Variants in TMC5 observed in about 807,000 individuals in gnomAD.
TMC5 encodes the protein transmembrane channel-like protein 5.
Under a neutral mutation model 110.5 loss-of-function variants are expected in TMC5, and 86 were observed. That is an observed-to-expected ratio of 0.78 (90% CI 0.65 to 0.93). The LOEUF (loss-of-function observed/expected upper bound fraction) is 0.93. Ranked by LOEUF, TMC5 falls within the 40% of genes least tolerant of loss-of-function variation. The probability of loss-of-function intolerance (pLI) is 0.00; values close to 1 mark genes in which losing one functional copy is unlikely to be tolerated. For missense variants in TMC5, 1,144 were observed against 1,222.8 expected (o/e 0.94, Z 0.96); for synonymous variants, 455 against 439.5 (o/e 1.04, Z -0.44).
At chr16:19,497,310 T>A in intron 21 of TMC5, 147 bp downstream of exon 21, 1 of 859,150 alleles carries the variant, frequency 1.2e-6, no homozygotes, top group Non-Finnish European at 1.8e-6. Flanking sequence ...CAAGAATAAT[T>A]CTTGCTTTAG....
chr16:19,438,390 C>CAAAAAAAA (rs60807937), intron 2 of TMC5, among the ~76,000 whole-genome samples: 3 of 60,004 alleles, frequency 5.0e-5, no homozygotes, highest in Non-Finnish European at 8.5e-5. Context: ...GACACCCTGT[C>CAAAAAAAA]AAAAAAAAAA....
rs1157399382 is a variant in TMC5, at chr16:19,490,450, T to G, written c.2629T>G (p.Ser877Ala). 1 of 1,614,042 alleles carries G rather than the reference T, an allele frequency of 6.2e-7. No homozygotes were observed. ...TCGAGGTCTGCCTCTCTTCATTCAC[T>G]CCATCTACAGCTGGATCGACACCCT... ...PFRGLPLFIH[S>A]IYSWIDTLST... Residue 877 changes from serine to alanine, a missense_variant, in exon 18 of 22, where the codon TCC becomes GCC. By Grantham distance (99) the Ser-to-Ala change is moderately conservative (BLOSUM62 1). Transcript: ENST00000542583.
At chr16:19,433,829 C>CT (rs961978773) in intron 2 of TMC5, among the ~76,000 whole-genome samples, 87 of 148,276 alleles carry the variant, frequency 5.9e-4, no homozygotes, top group South Asian at 3.4e-3. Context: ...TTCTTTCTTT[C>CT]TTTTTTTTTG....
Position 19,493,204 on chromosome 16 carries a change from G to A in TMC5, c.2826+976G>A, listed in dbSNP as rs189086800. On this transcript the variant is annotated intron_variant, in intron 19 of 21. Coordinates refer to ENST00000542583, the MANE Select transcript of TMC5 (RefSeq NM_001261841.2). Reference sequence around the variant, plus strand: ...TCAAACTTCCGACCTCAGGTGATCCGCCCGCCTCGGCCTCCCAAAGTGCTA... The same window carrying A: ...TCAAACTTCCGACCTCAGGTGATCCACCCGCCTCGGCCTCCCAAAGTGCTA... 3.1e-3 allele frequency among the ~76,000 whole-genome samples: 461 copies of A among 150,796 alleles called. 2 individuals carry two copies. The highest frequency in any genetic ancestry group is 0.01 in the African/African-American group (431 of 41,194).
At chr16:19,412,131 T>C (rs1206218497) in intron 1 of TMC5, among the ~76,000 whole-genome samples, 1 of 146,270 alleles carries the variant, frequency 6.8e-6, no homozygotes, top group Non-Finnish European at 1.5e-5. Flanking sequence ...GAGTGCAGTG[T>C]TGTGATTGTA....
At chr16:19,474,330 G>A in intron 12 of TMC5, 54 bp downstream of exon 12, 10 of 1,575,562 alleles carry the variant, frequency 6.3e-6, no homozygotes, top group Non-Finnish European at 7.8e-6. Flanking sequence ...AGAGAAGTGG[G>A]ATGGCAGCTA....
intron 4 of TMC5, among the ~76,000 whole-genome samples, chr16:19,448,294 ACACACACACG>A (rs970073810): frequency 3.8e-4 from 36 of 94,360 alleles, no homozygotes; most frequent in African/African-American, 1.4e-3. Context: ...ACCATTATTT[ACACACACACG>A]CACACACACA....
At chr16:19,411,365 C>A (rs2285045) in intron 1 of TMC5, 79,654 of 152,046 alleles carry the variant, frequency 0.52, 22,520 homozygotes, top group South Asian at 0.72. Flanking sequence ...ATTCTGTGAG[C>A]CTTGTTTGCT....
rs142456610 is a variant in TMC5, at chr16:19,472,009, C to T, written c.1783-79C>T. 1,197 of 1,466,992 alleles carry T rather than the reference C, an allele frequency of 8.2e-4. 5 individuals are homozygous for T. In the African/African-American group the frequency reaches 0.015, roughly 18 times the overall value. The allele number at this position is 1,466,992 out of a possible 1,614,324, so 90.9% of individuals were successfully genotyped here. On this transcript the variant is annotated intron_variant, in intron 10 of 21. Coordinates refer to ENST00000542583, the MANE Select transcript of TMC5 (RefSeq NM_001261841.2). ...CTCCTGACCTCAAGTGATCCACCCG[C>T]CTTGGCCTCCCAAAGTGCTGGGATT...
At position 19,444,006 on chromosome 16, in the gene TMC5, TGG is replaced by T. The variant is rs1597174888; in HGVS notation, c.789-74_789-73del. Reference sequence around the variant, plus strand: ...ATGAATACATGATTGAATGGATGGATGGATGGATGGATGGATGGATGACAATC... The same window carrying T: ...ATGAATACATGATTGAATGGATGGATATGGATGGATGGATGGATGACAATC... On this transcript the variant is annotated intron_variant, in intron 3 of 21. Transcript: ENST00000542583. 7.0e-6 allele frequency: 9 copies of T among 1,282,558 alleles called. No individual in the cohort carries two copies. In the East Asian group the frequency reaches 1.9e-4, roughly 28 times the overall value. 79.4% of individuals were successfully genotyped at this position (1,282,558 alleles called of 1,614,324 possible).
chr16:19,421,250 ATTAT>A (rs2143353747), intron 1 of TMC5, among the ~76,000 whole-genome samples: 1 of 152,098 alleles, frequency 6.6e-6, no homozygotes, highest in South Asian at 2.1e-4. Flanking sequence ...ATGTTAAAAT[ATTAT>A]TTATTTTGAT....
intron 1 of TMC5, among the ~76,000 whole-genome samples, chr16:19,430,195 G>T (rs1967168106): frequency 6.6e-6 from 1 of 152,212 alleles, no homozygotes; most frequent in Non-Finnish European, 1.5e-5. Context: ...GAAAACAAAT[G>T]CAAGTCTGGA....
rs1251813434 is a variant in TMC5 at position 19,448,855 on chromosome 16, A to AT, written c.959-680dup. Among the ~76,000 whole-genome samples the AT allele has an allele frequency of 6.7e-4, 94 of 140,790 alleles. 1 individual carries two copies. Among genetic ancestry groups the AT allele is most frequent in the Admixed American group, 6.7e-3 (93 of 13,982 alleles). 92.4% of individuals were successfully genotyped at this position (140,790 alleles called of 152,430 possible). A position where few individuals can be genotyped will look rare whatever the true frequency, so the allele number is the denominator to read the frequency against. ...TTTTTATATCATGTAGTTTATATGT[A>AT]TTTTTTTCTTTTTTTTTTTTTTTTG... On this transcript the variant is annotated intron_variant, in intron 4 of 21. Coordinates refer to ENST00000542583, the MANE Select transcript of TMC5 (RefSeq NM_001261841.2).
chr16:19,493,466 T>TTTCTCTCTCTCTCTC (rs55737824), intron 19 of TMC5, among the ~76,000 whole-genome samples: 18 of 124,502 alleles, frequency 1.4e-4, no homozygotes, highest in East Asian at 5.7e-4. Context: ...TCTCTCTCTC[T>TTTCTCTCTCTCTCTC]TTTTTTTTTT....
chr16:19,497,715 ACAAG>A (rs1280029389), intron 21 of TMC5, among the ~76,000 whole-genome samples: 1 of 152,170 alleles, frequency 6.6e-6, no homozygotes, highest in East Asian at 1.9e-4. Context: ...CAGGAAACAA[ACAAG>A]CAAACCCATT....
chr16:19,460,082 T>TG (rs1967983007), intron 5 of TMC5, among the ~76,000 whole-genome samples, 153 bp from the exon 6 acceptor site: 2 of 148,810 alleles, frequency 1.3e-5, no homozygotes, highest in Non-Finnish European at 1.5e-5. Flanking sequence ...CACATATATG[T>TG]GTTTTTTTTG....
chr16:19,493,747 C>T (rs985999739), intron 19 of TMC5, among the ~76,000 whole-genome samples: 3 of 152,222 alleles, frequency 2.0e-5, no homozygotes, highest in African/African-American at 7.2e-5. Flanking sequence ...AGGCGTGAGC[C>T]ACTGCGCCCA....
intron 9 of TMC5, among the ~76,000 whole-genome samples, chr16:19,469,475 A>C (rs926333656): frequency 1.3e-5 from 2 of 152,240 alleles, no homozygotes; most frequent in Non-Finnish European, 2.9e-5. Flanking sequence ...TGGCAGATCC[A>C]GGGTTGCAAG....
rs1003662994 is a variant in TMC5 at position 19,498,103 on chromosome 16, C to A, written c.*137C>A. On this transcript the variant is annotated 3_prime_UTR_variant, in exon 22 of 22. Transcript: ENST00000542583. ...TTTAGCCAGGAGCGGAAACTGACTA[C>A]CATGTAATTATCAAAGTAAAATTGG... is the stretch of plus-strand genomic sequence containing the variant. 65 of 768,704 alleles carry A rather than the reference C, an allele frequency of 8.5e-5. No individual in the cohort carries two copies. The highest frequency in any genetic ancestry group is 1.2e-4 in the Non-Finnish European group (56 of 457,874). The allele number at this position is 768,704 out of a possible 1,614,324, so 47.6% of individuals were successfully genotyped here.
Sources: gnomAD v4.1 joint callset for allele counts (sites outside exome capture counted in the v4.1 genomes callset) on GRCh38, gnomAD v4.1.1 for gene constraint, MANE v1.5 for transcripts, NCBI Gene and HGNC (gene_info 2026-07-23, HGNC 2026-07-21) for gene names.